Variants in TBC1D22A observed in about 807,000 individuals in gnomAD.
The protein encoded by TBC1D22A is TBC1 domain family member 22A, also known as putative GTPase activator.
In TBC1D22A, 38 loss-of-function variants were observed where a neutral mutation model predicts 60.2. That is an observed-to-expected ratio of 0.63 (90% CI 0.49 to 0.83). The LOEUF is 0.83. Ranked by LOEUF, TBC1D22A falls within the 40% of genes least tolerant of loss-of-function variation. The pLI is 0.00. For missense variants in TBC1D22A, 628 were observed against 701.0 expected (o/e 0.90, Z 1.18); for synonymous variants, 302 against 281.7 (o/e 1.07, Z -0.72).
intron 8 of TBC1D22A, among the ~76,000 whole-genome samples, chr22:46,939,446 A>C (rs182980043): frequency 6.6e-6 from 1 of 152,364 alleles, no homozygotes; most frequent in African/African-American, 2.4e-5. Flanking sequence ...AATGTGGACC[A>C]TCCCCTTTTG....
At chr22:46,919,027 C>T (rs1020097584) in intron 8 of TBC1D22A, among the ~76,000 whole-genome samples, 4 of 152,100 alleles carry the variant, frequency 2.6e-5, no homozygotes, top group Admixed American at 2.0e-4. Flanking sequence ...TAACGTTTAC[C>T]CACTTAGAGT....
intron 10 of TBC1D22A, among the ~76,000 whole-genome samples, chr22:47,018,186 C>G (rs1009766037): frequency 5.3e-5 from 8 of 152,272 alleles, no homozygotes; most frequent in Non-Finnish European, 8.8e-5. Flanking sequence ...GCTGCTGGCA[C>G]TTCTGTTCTT....
At chr22:46,947,750 GCAGAGAC>G (rs1442811789) in intron 8 of TBC1D22A, among the ~76,000 whole-genome samples, 1 of 151,258 alleles carries the variant, frequency 6.6e-6, no homozygotes, top group Non-Finnish European at 1.5e-5. Context: ...GTGGGAGGTG[GCAGAGAC>G]GCCTGCCCAA....
At chr22:47,109,807 A>G (rs1267617879) in intron 11 of TBC1D22A, among the ~76,000 whole-genome samples, 3 of 151,882 alleles carry the variant, frequency 2.0e-5, no homozygotes, top group Non-Finnish European at 4.4e-5. Flanking sequence ...AACCTTCAAA[A>G]TACATCTCGA....
At position 47,086,599 on chromosome 22, in the gene TBC1D22A, C is replaced by A. The variant is rs150130646; in HGVS notation, c.1330-24909C>A. Among the ~76,000 whole-genome samples, 126 of 152,304 alleles carry A rather than the reference C, an allele frequency of 8.3e-4. 1 individual carries two copies. The highest frequency in any genetic ancestry group is 2.9e-3 in the African/African-American group (120 of 41,562). On this transcript the variant is annotated intron_variant, in intron 11 of 12. Coordinates refer to ENST00000337137, the MANE Select transcript of TBC1D22A (RefSeq NM_014346.5). Reference sequence around the variant, plus strand: ...GGATAAAAGTTTAATAAAGTGTTCTCCTCCCCCTATATACTAACAGTGTAT... The same window carrying A: ...GGATAAAAGTTTAATAAAGTGTTCTACTCCCCCTATATACTAACAGTGTAT...
At chr22:46,790,002 A>AG (rs1213288084) in intron 1 of TBC1D22A, among the ~76,000 whole-genome samples, 1 of 152,242 alleles carries the variant, frequency 6.6e-6, no homozygotes, top group Non-Finnish European at 1.5e-5. Context: ...ACCAAGGAAA[A>AG]CAGATTGGCC....
At chr22:47,029,460 G>A (rs1017427499) in intron 10 of TBC1D22A, among the ~76,000 whole-genome samples, 1 of 152,170 alleles carries the variant, frequency 6.6e-6, no homozygotes, top group African/African-American at 2.4e-5. Context: ...GACTGAACGG[G>A]GGCCGCCTGA....
At chr22:47,040,944 C>G (rs1318175447) in intron 11 of TBC1D22A, among the ~76,000 whole-genome samples, 1 of 152,120 alleles carries the variant, frequency 6.6e-6, no homozygotes, top group Non-Finnish European at 1.5e-5. Context: ...CGGCTGCCTT[C>G]AGGGCTGCGG....
intron 9 of TBC1D22A, among the ~76,000 whole-genome samples, chr22:46,996,304 T>C (rs1403706152): frequency 2.6e-5 from 4 of 152,234 alleles, no homozygotes; most frequent in African/African-American, 7.2e-5. Flanking sequence ...CCATCCCCAG[T>C]GTCACTCCCT....
chr22:47,004,080 T>TAC (rs1377630640), intron 10 of TBC1D22A, among the ~76,000 whole-genome samples: 1 of 148,934 alleles, frequency 6.7e-6, no homozygotes. Context: ...CATGCCTGTA[T>TAC]ACACACACAC....
chr22:46,843,287 T>A (rs548125233), intron 4 of TBC1D22A, among the ~76,000 whole-genome samples: 2 of 152,256 alleles, frequency 1.3e-5, no homozygotes, highest in South Asian at 4.1e-4. Context: ...AGAGCAGCGC[T>A]CAGTCAAGTC....
intron 4 of TBC1D22A, among the ~76,000 whole-genome samples, chr22:46,836,994 TAAA>T (rs34771491): frequency 1.5e-5 from 2 of 134,928 alleles, no homozygotes. Flanking sequence ...TCTTGTCTCC[TAAA>T]AAAAAAAAAA....
intron 10 of TBC1D22A, among the ~76,000 whole-genome samples, chr22:47,022,041 A>G (rs550974947): frequency 6.6e-6 from 1 of 152,362 alleles, no homozygotes; most frequent in Admixed American, 6.5e-5. Flanking sequence ...AGAGAAAAGA[A>G]TACAATCAGG....
chr22:47,072,418 C>T (rs2064033640), intron 11 of TBC1D22A, among the ~76,000 whole-genome samples: 1 of 152,248 alleles, frequency 6.6e-6, no homozygotes. Flanking sequence ...GGCTTTGCAG[C>T]AGTGCAGTGC....
At chr22:46,861,874 C>T (rs955324346) in intron 4 of TBC1D22A, among the ~76,000 whole-genome samples, 3 of 152,226 alleles carry the variant, frequency 2.0e-5, no homozygotes, top group Non-Finnish European at 4.4e-5. Flanking sequence ...TCACCTTGTC[C>T]TAAGGATCCC....
intron 4 of TBC1D22A, among the ~76,000 whole-genome samples, chr22:46,869,280 A>G (rs2067199970): frequency 6.6e-6 from 1 of 152,212 alleles, no homozygotes; most frequent in Non-Finnish European, 1.5e-5. Flanking sequence ...TTCAGAGAAG[A>G]GACCACCCCT....
Position 46,878,725 on chromosome 22 carries a change from TA to T in TBC1D22A, c.708+4del. 6.2e-7 allele frequency: 1 copy of T among 1,612,928 alleles called. No individual in the cohort carries two copies. Among genetic ancestry groups the T allele is most frequent in the Non-Finnish European group, 8.5e-7 (1 of 1,179,742 alleles). ...CCAATGACGTGGAAGCTCCTCTCAG[TA>T]AGTCCCACCGCACCGCCCATCAGCG... On this transcript the variant is annotated splice_donor_region_variant and intron_variant, in intron 5 of 12. Transcript: ENST00000337137.
At chr22:46,816,316 C>T (rs1487526146) in intron 4 of TBC1D22A, among the ~76,000 whole-genome samples, 3 of 152,216 alleles carry the variant, frequency 2.0e-5, no homozygotes, top group South Asian at 4.1e-4. Flanking sequence ...GGGCCTGGCT[C>T]AGGGCCATGC....
intron 11 of TBC1D22A, among the ~76,000 whole-genome samples, chr22:47,101,782 G>T (rs1323227893): frequency 6.6e-6 from 1 of 152,164 alleles, no homozygotes; most frequent in East Asian, 1.9e-4. Flanking sequence ...GGAACTGGGG[G>T]CTTCATCTTC....
Sources: allele counts gnomAD v4.1 joint callset (sites outside exome capture counted in the v4.1 genomes callset), GRCh38; gene constraint gnomAD v4.1.1; transcripts MANE v1.5; gene names NCBI Gene and HGNC (gene_info 2026-07-23, HGNC 2026-07-21).